The following CDH12 variants were observed in gnomAD, a reference collection of about 807,000 sequenced individuals.
CDH12 encodes the protein cadherin-12.
CDH12 carries 41 observed loss-of-function variants against 74.1 expected under a neutral mutation model. The observed-to-expected ratio is 0.55, with a 90% CI of 0.43 to 0.72. CDH12 has a LOEUF of 0.72. Ranked by LOEUF, CDH12 falls within the 30% of genes least tolerant of loss-of-function variation. The probability of loss-of-function intolerance (pLI) is 0.00; values close to 1 mark genes in which losing one functional copy is unlikely to be tolerated. For missense variants in CDH12, 945 were observed against 977.2 expected (o/e 0.97, Z 0.44); for synonymous variants, 399 against 355.0 (o/e 1.12, Z -1.39).
At chr5:22,478,651 C>G (rs1746268439) in intron 2 of CDH12, among the ~76,000 whole-genome samples, 2 of 151,374 alleles carry the variant, frequency 1.3e-5, no homozygotes, top group South Asian at 4.2e-4. Flanking sequence ...GTCCTCAGAG[C>G]CTGAAAGACT....
intron 3 of CDH12, among the ~76,000 whole-genome samples, chr5:22,346,484 A>G (rs1035556410): frequency 2.6e-5 from 4 of 152,220 alleles, no homozygotes; most frequent in African/African-American, 7.2e-5. Context: ...GAGAGAAAAT[A>G]TCACCTTATA....
intron 4 of CDH12, among the ~76,000 whole-genome samples, chr5:22,191,394 T>C (rs1030925874): frequency 2.0e-5 from 3 of 152,052 alleles, no homozygotes; most frequent in African/African-American, 7.2e-5. Flanking sequence ...ATCGACCCAG[T>C]TTCTGACACA....
chr5:22,271,287 G>C (rs34702152), intron 3 of CDH12, among the ~76,000 whole-genome samples: 3 of 151,932 alleles, frequency 2.0e-5, no homozygotes, highest in Non-Finnish European at 4.4e-5. Context: ...TCATCCGTTG[G>C]AAGCAATTCC....
At chr5:22,354,570 T>C (rs983051500) in intron 3 of CDH12, among the ~76,000 whole-genome samples, 1 of 152,140 alleles carries the variant, frequency 6.6e-6, no homozygotes, top group Non-Finnish European at 1.5e-5. Context: ...GATGCCAACA[T>C]TTAAGTTGAG....
chr5:21,854,275 T>C (rs140318925), intron 7 of CDH12, among the ~76,000 whole-genome samples: 4 of 151,682 alleles, frequency 2.6e-5, no homozygotes, highest in Admixed American at 1.3e-4. Flanking sequence ...CTTATATATA[T>C]AGCAATAGAA....
chr5:22,786,661 G>A (rs1002082042), intron 1 of CDH12, among the ~76,000 whole-genome samples: 2 of 151,944 alleles, frequency 1.3e-5, no homozygotes, highest in Non-Finnish European at 2.9e-5. Context: ...ATGGGGAAGG[G>A]GGTTGAGGAG....
At chr5:22,733,242 A>G (rs1744520734) in intron 1 of CDH12, among the ~76,000 whole-genome samples, 1 of 151,926 alleles carries the variant, frequency 6.6e-6, no homozygotes, top group Non-Finnish European at 1.5e-5. Context: ...GGATTTACTT[A>G]ATTAGCTTCA....
chr5:22,007,330 G>A (rs1737025586), intron 5 of CDH12, among the ~76,000 whole-genome samples: 1 of 152,074 alleles, frequency 6.6e-6, no homozygotes, highest in Admixed American at 6.6e-5. Flanking sequence ...GATTTCAAGT[G>A]TTCTCACTTT....
Position 22,415,992 on chromosome 5 carries a change from G to GA in CDH12, c.-427-10642dup, listed in dbSNP as rs201694165. On this transcript the variant is annotated intron_variant, in intron 2 of 14. Transcript: ENST00000382254. Reference sequence around the variant, plus strand: ...TGGTGACCCAGATTATATAGTTGTGGAAAAAATGGTAAAAACTGTTCCCTG... The same window carrying GA: ...TGGTGACCCAGATTATATAGTTGTGGAAAAAAATGGTAAAAACTGTTCCCTG... Among the ~76,000 whole-genome samples, 1,265 of 149,540 alleles carry GA rather than the reference G, an allele frequency of 8.5e-3. 18 individuals are homozygous for GA. The highest frequency in any genetic ancestry group is 0.03 in the African/African-American group (1,216 of 40,732).
At chr5:22,697,999 T>C (rs1205627085) in intron 1 of CDH12, among the ~76,000 whole-genome samples, 1 of 152,006 alleles carries the variant, frequency 6.6e-6, no homozygotes, top group African/African-American at 2.4e-5. Flanking sequence ...ATTTCTACTG[T>C]GAAAGTCACC....
chr5:21,992,681 A>G (rs1757802137), intron 5 of CDH12, among the ~76,000 whole-genome samples: 1 of 152,132 alleles, frequency 6.6e-6, no homozygotes, highest in Non-Finnish European at 1.5e-5. Flanking sequence ...TGTTTTTTAC[A>G]ATTTTTCCTT....
intron 3 of CDH12, among the ~76,000 whole-genome samples, chr5:22,256,467 G>A (rs970947591): frequency 1.3e-5 from 2 of 152,100 alleles, no homozygotes; most frequent in Non-Finnish European, 2.9e-5. Context: ...CATAATAATT[G>A]ATCATGATAA....
intron 6 of CDH12, among the ~76,000 whole-genome samples, chr5:21,908,624 C>A (rs1753740568): frequency 6.6e-6 from 1 of 152,168 alleles, no homozygotes; most frequent in Admixed American, 6.5e-5. Flanking sequence ...ATCTCATTGA[C>A]CAAAGCAAGT....
intron 2 of CDH12, among the ~76,000 whole-genome samples, chr5:22,460,638 A>T (rs150499799): frequency 5.0e-4 from 75 of 151,436 alleles, no homozygotes; most frequent in African/African-American, 1.8e-3. Context: ...TGGGAAATGC[A>T]AATGTTATAA....
chr5:22,304,218 T>C (rs1459093417), intron 3 of CDH12, among the ~76,000 whole-genome samples: 3 of 152,132 alleles, frequency 2.0e-5, no homozygotes, highest in Non-Finnish European at 2.9e-5. Flanking sequence ...TAAATAATTG[T>C]GTAGAAACCA....
At chr5:22,059,434 T>G (rs1741033750) in intron 5 of CDH12, among the ~76,000 whole-genome samples, 1 of 152,180 alleles carries the variant, frequency 6.6e-6, no homozygotes, top group South Asian at 2.1e-4. Flanking sequence ...TCTTCAGGCA[T>G]AGCTTTAAAA....
intron 1 of CDH12, among the ~76,000 whole-genome samples, chr5:22,693,739 A>G (rs993503821): frequency 7.4e-6 from 1 of 135,092 alleles, no homozygotes; most frequent in East Asian, 2.1e-4. Context: ...TAATTTACCA[A>G]TTGAAATGTT....
chr5:22,450,871 AAGCC>A (rs1745013206), intron 2 of CDH12, among the ~76,000 whole-genome samples: 1 of 138,062 alleles, frequency 7.2e-6, no homozygotes, highest in African/African-American at 2.7e-5. Flanking sequence ...CCCACCTAAT[AAGCC>A]ACTTTTTTTT....
chr5:22,189,139 C>A lies in CDH12; in HGVS notation c.-187+23359G>T, dbSNP rs1439087977. Among the ~76,000 whole-genome samples the A allele has an allele frequency of 2.0e-5, 3 of 152,088 alleles. No homozygotes were observed. The East Asian group carries it at 5.8e-4, about 29-fold the overall frequency. On this transcript the variant is annotated intron_variant, in intron 4 of 14. Transcript: ENST00000382254. ...TTTCCTGTAAATTAACATTTTCCAA[C>A]TTCAGTAAACTTAAACACTCTTCCA...
Sources: gnomAD v4.1 joint callset for allele counts (sites outside exome capture counted in the v4.1 genomes callset) on GRCh38, gnomAD v4.1.1 for gene constraint, MANE v1.5 for transcripts, NCBI Gene and HGNC (gene_info 2026-07-23, HGNC 2026-07-21) for gene names.